ZBTB14: variants seen among roughly 807,000 people sequenced by gnomAD.
The protein encoded by ZBTB14 is zinc finger and BTB domain-containing protein 14.
ZBTB14 carries 8 observed loss-of-function variants against 29.5 expected under a neutral mutation model. The observed-to-expected ratio is 0.27, with a 90% CI of 0.16 to 0.49. ZBTB14 has a LOEUF of 0.49. Ranked by LOEUF, ZBTB14 falls within the 20% of genes least tolerant of loss-of-function variation. The pLI, the probability that ZBTB14 is intolerant of heterozygous loss-of-function variation, is 0.99. For missense variants in ZBTB14, 333 were observed against 563.8 expected, an observed-to-expected ratio of 0.59 and a Z score of 4.15; for synonymous variants, 226 against 207.2, an observed-to-expected ratio of 1.09 and a Z score of -0.78.
rs1241637352 is a variant in ZBTB14, at chr18:5,291,324, T to C, written c.884A>G (p.His295Arg). 1 of 1,614,256 alleles carries C rather than the reference T, an allele frequency of 6.2e-7. No individual in the cohort carries two copies. Among genetic ancestry groups the C allele is most frequent in the Non-Finnish European group, 8.5e-7 (1 of 1,180,044 alleles). The part of the protein sequence containing the change: ...TFSDEGRLRK[H>R]EKLHTADRPF... ...CCTGTCCGCCGTGTGGAGTTTCTCA[T>C]GCTTCCTCAATCTGCCTTCATCAGA... Residue 295 changes from histidine (H) to arginine (R), a missense_variant, in exon 4 of 4, where the codon CAT (histidine) becomes CGT (arginine). By Grantham distance (29) the His-to-Arg change is conservative. This residue lies in a region of ZBTB14 where 140 missense variants were observed against 274.6 expected (regional missense o/e 0.51). Coordinates refer to ENST00000651870, the MANE Select transcript of ZBTB14 (RefSeq NM_001243702.2). The surrounding 1 kb of genome is among the most constrained non-coding windows in gnomAD (Gnocchi z 5.8).
At chr18:5,294,308 C>T (rs953298551) in intron 1 of ZBTB14, among the ~76,000 whole-genome samples, 1 of 152,194 alleles carries the variant, frequency 6.6e-6, no homozygotes, top group African/African-American at 2.4e-5. Flanking sequence ...GCACCCAGGC[C>T]TGTAATCATC....
rs774626025 is a variant in ZBTB14 at position 5,291,639 on chromosome 18, G to T, written c.569C>A (p.Ser190Ter). The T allele has an allele frequency of 6.2e-7, 1 of 1,613,818 alleles. No homozygotes were observed. The highest frequency in any genetic ancestry group is 1.3e-5 in the African/African-American group (1 of 74,884). The change falls in exon 4 of 4, where the codon TCG (serine) becomes TAG (stop). Residue 190 changes from serine (S) to a stop codon, truncating the protein, a stop_gained. Coordinates refer to ENST00000651870, the MANE Select transcript of ZBTB14 (RefSeq NM_001243702.2). LOFTEE classifies it high-confidence loss of function. The surrounding 1 kb of genome is among the most constrained non-coding windows in gnomAD (Gnocchi z 5.8). ...CTGAACCCTGAGCGTTGTGGTGGGC[G>T]ACTTGCCGTCCTCCTGACTCGGGGG... The part of the protein sequence containing the change: ...GTPPSQEDGK[S>*]PTTTLRVQEA...
At position 5,291,631 on chromosome 18, in the gene ZBTB14, T is replaced by A; in HGVS notation, c.577A>T (p.Thr193Ser). 6.2e-7 allele frequency: 1 copy of A among 1,613,968 alleles called. No individual in the cohort carries two copies. Among genetic ancestry groups the A allele is most frequent in the Non-Finnish European group, 8.5e-7 (1 of 1,180,016 alleles). Reference protein sequence around the residue: ...PSQEDGKSPTTTLRVQEAILK... With the variant: ...PSQEDGKSPTSTLRVQEAILK... ...ATCGCTTCCTGAACCCTGAGCGTTG[T>A]GGTGGGCGACTTGCCGTCCTCCTGA... is the stretch of plus-strand genomic sequence containing the variant. The change falls in exon 4 of 4, where the codon ACA (threonine) becomes TCA (serine). Residue 193 changes from threonine to serine, a missense_variant. This residue lies in a region of ZBTB14 where 126 missense variants were observed against 132.2 expected (regional missense o/e 0.95). Coordinates refer to ENST00000651870, the MANE Select transcript of ZBTB14 (RefSeq NM_001243702.2). This position sits in a 1 kb window ranked among gnomAD's most constrained non-coding sequence, Gnocchi z 5.8.
rs768712260 is a variant in ZBTB14 at position 5,291,809 on chromosome 18, G to A, written c.399C>T (p.Pro133=). ...LCSQKRDVSS[P]DENNGQSKSK... ...TTTTGGACTGACCATTGTTTTCATCGGGACTGGACACATCACGCTTCTGAG... is the reference window on the plus strand; with the variant it reads ...TTTTGGACTGACCATTGTTTTCATCAGGACTGGACACATCACGCTTCTGAG... Residue 133 remains proline, a synonymous_variant, in exon 4 of 4, where the codon CCC becomes CCT. Coordinates refer to ENST00000651870, the MANE Select transcript of ZBTB14 (RefSeq NM_001243702.2). The surrounding 1 kb of genome is among the most constrained non-coding windows in gnomAD (Gnocchi z 5.8). The A allele has an allele frequency of 2.0e-5, 33 of 1,613,510 alleles. No homozygotes were observed. The highest frequency in any genetic ancestry group is 1.5e-4 in the South Asian group (14 of 90,988).
At chr18:5,294,799 A>G (rs934942649) in intron 1 of ZBTB14, 6 of 151,960 alleles carry the variant, frequency 3.9e-5, no homozygotes, top group Admixed American at 1.3e-4. Context: ...CCAAAAACTT[A>G]CATAAGCAGC....
Position 5,289,443 on chromosome 18 carries a change from T to C in ZBTB14, c.*1415A>G, listed in dbSNP as rs540028971. On this transcript the variant is annotated 3_prime_UTR_variant, in exon 4 of 4. Transcript: ENST00000651870. ...GCAATGAAAAATGAGTTTGAAAAATTGACATTTTCTACAATTCTACATTTT... is the reference window on the plus strand; with the variant it reads ...GCAATGAAAAATGAGTTTGAAAAATCGACATTTTCTACAATTCTACATTTT... 1.3e-5 allele frequency: 2 copies of C among 152,330 alleles called. No homozygotes were observed. The highest frequency in any genetic ancestry group is 3.9e-4 in the East Asian group (2 of 5,190). 9.4% of individuals were successfully genotyped at this position (152,330 alleles called of 1,614,324 possible). A position where few individuals can be genotyped will look rare whatever the true frequency, so the allele number is the denominator to read the frequency against.
At position 5,291,808 on chromosome 18, in the gene ZBTB14, C is replaced by T. The variant is rs368255676; in HGVS notation, c.400G>A (p.Asp134Asn). The T allele has an allele frequency of 2.7e-5, 44 of 1,613,438 alleles. 1 individual carries two copies. Among genetic ancestry groups the T allele is most frequent in the South Asian group, 1.2e-4 (11 of 90,942 alleles). Residue 134 changes from aspartate to asparagine, a missense_variant, in exon 4 of 4, where the codon GAT becomes AAT. Coordinates refer to ENST00000651870, the MANE Select transcript of ZBTB14 (RefSeq NM_001243702.2). The surrounding 1 kb of genome is among the most constrained non-coding windows in gnomAD (Gnocchi z 5.8). ...CSQKRDVSSPDENNGQSKSKY... is the reference protein window; with the variant it reads ...CSQKRDVSSPNENNGQSKSKY... ...CTTTTGGACTGACCATTGTTTTCAT[C>T]GGGACTGGACACATCACGCTTCTGA...
rs2071793086 is a variant in ZBTB14, at chr18:5,290,726, G to A, written c.*132C>T. ...AAAAGTCTTAAAAATAGCTAACCAA[G>A]CACTGCCTTAAGTCCAGTGAGTACA... On this transcript the variant is annotated 3_prime_UTR_variant, in exon 4 of 4. Transcript: ENST00000651870. 7.4e-7 allele frequency: 1 copy of A among 1,351,726 alleles called. No homozygotes were observed. The highest frequency in any genetic ancestry group is 2.3e-5 in the East Asian group (1 of 43,020). The allele number at this position is 1,351,726 out of a possible 1,614,324, so 83.7% of individuals were successfully genotyped here. A position where few individuals can be genotyped will look rare whatever the true frequency, so the allele number is the denominator to read the frequency against.
At chr18:5,294,847 G>A (rs1056953699) in intron 1 of ZBTB14, 1 of 152,140 alleles carries the variant, frequency 6.6e-6, no homozygotes, top group Admixed American at 6.5e-5. Context: ...CCCGACAATG[G>A]CGGCTGCACG....
intron 1 of ZBTB14, among the ~76,000 whole-genome samples, chr18:5,294,370 T>A (rs2071890942): frequency 6.6e-6 from 1 of 152,196 alleles, no homozygotes; most frequent in African/African-American, 2.4e-5. Flanking sequence ...TTACTACTGT[T>A]GTCACTAACT....
At chr18:5,296,736 G>C (rs1238499662), upstream of ZBTB14, among the ~76,000 whole-genome samples, 1 of 151,850 alleles carries the variant, frequency 6.6e-6, no homozygotes, top group Non-Finnish European at 1.5e-5. Flanking sequence ...AGCAGAAAGG[G>C]ATCACCCATA....
upstream of ZBTB14, among the ~76,000 whole-genome samples, chr18:5,296,819 C>A (rs1218393465): frequency 6.6e-6 from 1 of 152,168 alleles, no homozygotes; most frequent in African/African-American, 2.4e-5. Context: ...GGCGACCCGT[C>A]TGTGGCAGTC....
chr18:5,294,216 G>T (rs1335832554), intron 1 of ZBTB14, among the ~76,000 whole-genome samples: 1 of 152,240 alleles, frequency 6.6e-6, no homozygotes, highest in Non-Finnish European at 1.5e-5. Flanking sequence ...TGTCTCATCT[G>T]AAGTTTGAGG....
upstream of ZBTB14, chr18:5,296,295 G>A (rs1284376527): frequency 6.6e-6 from 1 of 150,586 alleles, no homozygotes; most frequent in African/African-American, 2.4e-5. Context: ...GGCGGGGCAA[G>A]GGCGGGGCTT....
chr18:5,294,564 C>T (rs1363249824), intron 1 of ZBTB14, among the ~76,000 whole-genome samples: 1 of 152,154 alleles, frequency 6.6e-6, no homozygotes, highest in Non-Finnish European at 1.5e-5. Context: ...TGTCCAAAGC[C>T]GCCTCCTCCC....
At position 5,293,149 on chromosome 18, in the gene ZBTB14, T is replaced by C. The variant is rs150211302; in HGVS notation, c.3+95A>G. 1.4e-4 allele frequency: 176 copies of C among 1,287,934 alleles called. No individual in the cohort carries two copies. In the East Asian group the frequency reaches 3.4e-3, roughly 25 times the overall value. 79.8% of individuals were successfully genotyped at this position (1,287,934 alleles called of 1,614,324 possible). A position where few individuals can be genotyped will look rare whatever the true frequency, so the allele number is the denominator to read the frequency against. ...CGGCTAATATTTTCCCCCAGACAAA[T>C]AGAAGTGTTCATGCACAATCAGAAT... On this transcript the variant is annotated intron_variant, in intron 3 of 3. Coordinates refer to ENST00000651870, the MANE Select transcript of ZBTB14 (RefSeq NM_001243702.2).
chr18:5,293,199 G>C (rs773192547), intron 3 of ZBTB14, 45 bp downstream of exon 3: 11 of 1,606,450 alleles, frequency 6.8e-6, no homozygotes, highest in Admixed American at 1.7e-5. Context: ...TAAAGCAAAT[G>C]CCAAGTCATT....
chr18:5,291,676 C>T lies in ZBTB14; in HGVS notation c.532G>A (p.Val178Ile). ...TCCTGACTCGGGGGTGTGCCTTCTACTGTGTCATCAGAAGGACTGTCATCC... is the reference window on the plus strand; with the variant it reads ...TCCTGACTCGGGGGTGTGCCTTCTATTGTGTCATCAGAAGGACTGTCATCC... ...DQDDSPSDDT[V>I]EGTPPSQEDG... The change falls in exon 4 of 4, where the codon GTA becomes ATA. Residue 178 changes from valine to isoleucine, a missense_variant. Val to Ile is a conservative substitution (Grantham distance 29, BLOSUM62 3). Coordinates refer to ENST00000651870, the MANE Select transcript of ZBTB14 (RefSeq NM_001243702.2). This position sits in a 1 kb window ranked among gnomAD's most constrained non-coding sequence, Gnocchi z 5.8. The T allele has an allele frequency of 6.2e-7, 1 of 1,614,142 alleles. No individual in the cohort carries two copies. The highest frequency in any genetic ancestry group is 1.1e-5 in the South Asian group (1 of 91,084).
chr18:5,292,256 A>C, intron 3 of ZBTB14, 52 bp from the exon 4 acceptor site: 1 of 1,339,750 alleles, frequency 7.5e-7, no homozygotes, highest in Non-Finnish European at 9.8e-7. Flanking sequence ...TTCCATATAG[A>C]GAACACAGTC....
Sources: gnomAD v4.1 joint callset for allele counts (sites outside exome capture counted in the v4.1 genomes callset) on GRCh38, gnomAD v4.1.1 for gene constraint, gnomAD v4.1.1 regional missense constraint, Gnocchi (gnomAD v3.1) non-coding constraint, MANE v1.5 for transcripts, NCBI Gene and HGNC (gene_info 2026-07-23, HGNC 2026-07-21) for gene names.